The following EYS variants were observed in gnomAD, a reference collection of about 807,000 sequenced individuals.
EYS encodes the protein EGF-like photoreceptor maintenance factor.
In EYS, 250 loss-of-function variants were observed where a neutral mutation model predicts 282.1. The ratio of observed to expected loss-of-function variants is 0.89; its 90% CI spans 0.80 to 0.98. The LOEUF (loss-of-function observed/expected upper bound fraction) is 0.98, where lower values mean the gene tolerates loss of function less well. Ranked by LOEUF, EYS falls within the 50% of genes least tolerant of loss-of-function variation. The probability of loss-of-function intolerance (pLI) is 0.00; values close to 1 mark genes in which losing one functional copy is unlikely to be tolerated. For missense variants in EYS, 4,016 were observed against 3,709.0 expected, an observed-to-expected ratio of 1.08 and a Z score of -2.15; for synonymous variants, 1,355 against 1,282.9, an observed-to-expected ratio of 1.06 and a Z score of -1.20.
At chr6:65,332,375 A>G (rs548432146) in intron 11 of EYS, 1 of 990,512 alleles carries the variant, frequency 1.0e-6, no homozygotes, top group Admixed American at 2.0e-5. Flanking sequence ...ACCTTTCTAT[A>G]TGTTGCTGAA....
At chr6:64,410,044 C>A (rs1773836500) in intron 28 of EYS, among the ~76,000 whole-genome samples, 1 of 151,896 alleles carries the variant, frequency 6.6e-6, no homozygotes, top group South Asian at 2.1e-4. Context: ...ACTCTTGGGG[C>A]ATTTATAATT....
chr6:65,210,020 C>G (rs1232996068), intron 12 of EYS, among the ~76,000 whole-genome samples: 4 of 151,854 alleles, frequency 2.6e-5, no homozygotes, highest in African/African-American at 9.7e-5. Context: ...AGCATTTTAA[C>G]TTTGTACAGA....
intron 26 of EYS, among the ~76,000 whole-genome samples, chr6:64,449,675 A>C (rs1775248501): frequency 6.6e-6 from 1 of 152,228 alleles, no homozygotes. Flanking sequence ...AAACTCTACA[A>C]GCCAGAAGAG....
intron 30 of EYS, among the ~76,000 whole-genome samples, chr6:64,287,071 C>CTTTATTTCCTTT (rs1768529215): frequency 6.6e-6 from 1 of 152,052 alleles, no homozygotes; most frequent in Admixed American, 6.6e-5. Flanking sequence ...TTTAAGATAA[C>CTTTATTTCCTTT]TGAAATAACA....
intron 31 of EYS, among the ~76,000 whole-genome samples, chr6:64,230,127 G>A (rs1430900305): frequency 6.6e-6 from 1 of 152,134 alleles, no homozygotes; most frequent in African/African-American, 2.4e-5. Flanking sequence ...CTTCATTAAT[G>A]TTAAAACCAT....
At chr6:64,701,922 G>T (rs564083393) in intron 22 of EYS, among the ~76,000 whole-genome samples, 31 of 151,418 alleles carry the variant, frequency 2.0e-4, no homozygotes, top group South Asian at 8.3e-4. Context: ...GGTTTTTTTT[G>T]AATTTGCTTT....
chr6:64,326,398 T>C (rs1426300238), intron 29 of EYS, among the ~76,000 whole-genome samples: 1 of 152,178 alleles, frequency 6.6e-6, no homozygotes, highest in South Asian at 2.1e-4. Context: ...TCTCTCAAGA[T>C]GTAAGAAATG....
At chr6:63,755,666 A>T (rs114525945) in intron 41 of EYS, among the ~76,000 whole-genome samples, 245 of 152,284 alleles carry the variant, frequency 1.6e-3, no homozygotes, top group African/African-American at 5.6e-3. Context: ...AATGCTGTGA[A>T]GAAAGTCTTT....
chr6:64,797,115 C>G (rs560012669), intron 22 of EYS, among the ~76,000 whole-genome samples: 1 of 152,068 alleles, frequency 6.6e-6, no homozygotes, highest in South Asian at 2.1e-4. Context: ...CAATATCAGC[C>G]AGCTCTACCT....
At chr6:65,362,790 T>G (rs1186149348) in intron 8 of EYS, among the ~76,000 whole-genome samples, 2 of 152,080 alleles carry the variant, frequency 1.3e-5, no homozygotes, top group Non-Finnish European at 2.9e-5. Context: ...AGTGCTATAC[T>G]GTTCTCTGAT....
chr6:65,148,592 G>C (rs1159012575), intron 12 of EYS, among the ~76,000 whole-genome samples: 1 of 152,010 alleles, frequency 6.6e-6, no homozygotes, highest in East Asian at 1.9e-4. Context: ...AGCCTTTAGT[G>C]TATCTACTGT....
intron 13 of EYS, among the ~76,000 whole-genome samples, chr6:64,998,496 G>C (rs575902713): frequency 5.5e-4 from 84 of 152,282 alleles, no homozygotes; most frequent in African/African-American, 2.0e-3. Context: ...TGTAATAAAT[G>C]TATCTAGCTT....
intron 32 of EYS, 60 bp from the exon 33 acceptor site, chr6:64,066,551 ATAAT>A (rs938755798): frequency 2.6e-6 from 3 of 1,164,280 alleles, no homozygotes; most frequent in South Asian, 2.9e-5. Flanking sequence ...TTGGTTAACA[ATAAT>A]TAAACACAAT....
chr6:64,165,271 T>C (rs1409820160), intron 31 of EYS, among the ~76,000 whole-genome samples: 1 of 152,068 alleles, frequency 6.6e-6, no homozygotes, highest in Non-Finnish European at 1.5e-5. Context: ...ATGCTTCAAA[T>C]TGTCATGGCT....
chr6:63,970,559 C>T (rs547890485), intron 35 of EYS, among the ~76,000 whole-genome samples: 8 of 151,020 alleles, frequency 5.3e-5, no homozygotes, highest in South Asian at 2.1e-4. Context: ...GGCATGAACC[C>T]GGGAGGTGGA....
chr6:64,433,132 G>A (rs898024067), intron 28 of EYS, among the ~76,000 whole-genome samples: 3 of 151,792 alleles, frequency 2.0e-5, no homozygotes, highest in Non-Finnish European at 2.9e-5. Context: ...TATTTGTTTC[G>A]CTTTTTCTGA....
rs761124392 is a variant in EYS at position 65,495,329 on chromosome 6, A to G, written c.82T>C (p.Leu28=). The part of the protein sequence containing the change: ...FINGKTCRRQ[L]VEEWHPQPSS... The stretch of plus-strand genomic sequence containing the variant: ...GGTTGTGGATGCCATTCTTCCACCA[A>G]TTGCCGTCTACATGTTTTTCCATTT... Residue 28 remains leucine (L), a synonymous_variant, in exon 4 of 43, where the codon TTG becomes CTG. Transcript: ENST00000503581. 2.5e-6 allele frequency: 4 copies of G among 1,613,934 alleles called. No homozygotes were observed. Among genetic ancestry groups the G allele is most frequent in the South Asian group, 1.1e-5 (1 of 91,076 alleles).
intron 2 of EYS, among the ~76,000 whole-genome samples, chr6:65,530,996 G>A (rs967461338): frequency 2.6e-5 from 4 of 152,114 alleles, no homozygotes; most frequent in African/African-American, 9.7e-5. Flanking sequence ...AAGAAAAATA[G>A]TAATAGATTA....
At chr6:64,580,094 A>C (rs180724009) in intron 26 of EYS, among the ~76,000 whole-genome samples, 1 of 152,228 alleles carries the variant, frequency 6.6e-6, no homozygotes, top group Admixed American at 6.5e-5. Context: ...TGCTCTGTTC[A>C]TAGAAGCTTT....
Sources: gnomAD v4.1 joint callset for allele counts (sites outside exome capture counted in the v4.1 genomes callset) on GRCh38, gnomAD v4.1.1 for gene constraint, MANE v1.5 for transcripts, NCBI Gene and HGNC (gene_info 2026-07-23, HGNC 2026-07-21) for gene names.